The following PLD1 variants were observed in gnomAD, a reference collection of about 807,000 sequenced individuals.
PLD1 encodes phospholipase D1.
A neutral mutation model predicts 137.1 loss-of-function variants in PLD1; 112 were observed. The ratio of observed to expected loss-of-function variants is 0.82; its 90% CI spans 0.70 to 0.96. PLD1 has a LOEUF of 0.96. Ranked by LOEUF, PLD1 falls within the 40% of genes least tolerant of loss-of-function variation. PLD1 has a pLI of 0.00. For synonymous variants in PLD1, 431 were observed against 454.7 expected (o/e 0.95, Z 0.66); for missense variants, 1,321 against 1,342.0 (o/e 0.98, Z 0.24).
intron 1 of PLD1, among the ~76,000 whole-genome samples, chr3:171,775,442 ATG>A (rs962564032): frequency 7.2e-5 from 11 of 152,288 alleles, no homozygotes; most frequent in African/African-American, 2.4e-4. Flanking sequence ...TTTTAATTTT[ATG>A]TGTTTAATTT....
intron 1 of PLD1, among the ~76,000 whole-genome samples, chr3:171,804,644 A>G (rs1429715009): frequency 1.3e-5 from 2 of 152,238 alleles, no homozygotes; most frequent in East Asian, 1.9e-4. Context: ...CCACCCATGG[A>G]AAGTGGCATA....
chr3:171,615,467 T>C (rs193004676), intron 24 of PLD1, among the ~76,000 whole-genome samples: 699 of 152,258 alleles, frequency 4.6e-3, no homozygotes, highest in Non-Finnish European at 8.3e-3. Context: ...CCAAAAACAA[T>C]ATTACCACAT....
rs756297631 is a variant in PLD1, at chr3:171,603,178, C to A, written c.3125G>T (p.Gly1042Val). The change falls in exon 27 of 27, where the codon GGA becomes GTA. Residue 1042 changes from glycine (G) to valine (V), a missense_variant. Physicochemically the swap from Gly to Val is moderately radical, Grantham distance 109. Coordinates refer to ENST00000351298, the MANE Select transcript of PLD1 (RefSeq NM_002662.5). ...RAEEELKKIR[G>V]FLVQFPFYFL... is the part of the protein sequence containing the mutation. Reference sequence around the variant, plus strand: ...ATAAAAGGGGAATTGCACCAAAAATCCACGGATCTTCTTCAGTTCCTCCTC... The same window carrying A: ...ATAAAAGGGGAATTGCACCAAAAATACACGGATCTTCTTCAGTTCCTCCTC... The A allele has an allele frequency of 1.9e-6, 3 of 1,614,108 alleles. No individual in the cohort carries two copies. Among genetic ancestry groups the A allele is most frequent in the South Asian group, 1.1e-5 (1 of 91,084 alleles).
chr3:171,629,886 G>A (rs1274456489), intron 23 of PLD1, among the ~76,000 whole-genome samples: 3 of 151,736 alleles, frequency 2.0e-5, no homozygotes, highest in East Asian at 1.9e-4. Flanking sequence ...AGACTTAAAC[G>A]TTAGACCTAA....
In PLD1 at chr3:171,713,915, T is replaced by C; in HGVS notation, c.889A>G (p.Ile297Val). 3.1e-6 allele frequency: 5 copies of C among 1,613,002 alleles called. No homozygotes were observed. Among genetic ancestry groups the C allele is most frequent in the Non-Finnish European group, 4.2e-6 (5 of 1,179,094 alleles). ...TACCTTGAAAGATTATCAATTCGGA[T>C]TCCATATTTCGTTTCTGTCTCCTTC... ...GKKETETKYG[I>V]RIDNLSRTLI... The change falls in exon 9 of 27, where the codon ATC becomes GTC. Residue 297 changes from isoleucine to valine, a missense_variant. By Grantham distance (29) the Ile-to-Val change is conservative (BLOSUM62 3). Transcript: ENST00000351298.
intron 21 of PLD1, among the ~76,000 whole-genome samples, chr3:171,658,082 G>A (rs1225470979): frequency 6.6e-6 from 1 of 151,978 alleles, no homozygotes; most frequent in Non-Finnish European, 1.5e-5. Context: ...AGTCATTAGA[G>A]AAATTCAAAT....
At chr3:171,696,885 G>A (rs763419138) in intron 12 of PLD1, among the ~76,000 whole-genome samples, 2 of 152,154 alleles carry the variant, frequency 1.3e-5, no homozygotes, top group Non-Finnish European at 2.9e-5. Context: ...CCAAGAAGTG[G>A]ATGAAATGGA....
chr3:171,727,234 CAAGT>C (rs1488521436), intron 6 of PLD1, among the ~76,000 whole-genome samples: 2 of 152,052 alleles, frequency 1.3e-5, no homozygotes, highest in Non-Finnish European at 2.9e-5. Flanking sequence ...TTAGAGAAGT[CAAGT>C]AAGTTGTCCA....
intron 16 of PLD1, among the ~76,000 whole-genome samples, chr3:171,682,301 A>G (rs1435923389): frequency 1.3e-5 from 2 of 152,214 alleles, no homozygotes; most frequent in Non-Finnish European, 2.9e-5. Context: ...TGAAAAACAT[A>G]TATTTCAGAT....
At chr3:171,752,540 A>G (rs1720738238) in intron 1 of PLD1, among the ~76,000 whole-genome samples, 2 of 152,222 alleles carry the variant, frequency 1.3e-5, no homozygotes, top group South Asian at 4.1e-4. Flanking sequence ...TCCATGGCAA[A>G]CATTAATCTG....
At chr3:171,767,441 T>A (rs1331154933) in intron 1 of PLD1, among the ~76,000 whole-genome samples, 1 of 152,232 alleles carries the variant, frequency 6.6e-6, no homozygotes, top group African/African-American at 2.4e-5. Flanking sequence ...ATCTTCTAAA[T>A]GAAGAGCAGC....
intron 1 of PLD1, among the ~76,000 whole-genome samples, chr3:171,746,973 C>G (rs961476914): frequency 2.0e-5 from 3 of 152,184 alleles, no homozygotes; most frequent in African/African-American, 7.2e-5. Context: ...CTGTAACACT[C>G]ATGGCAAAGG....
chr3:171,672,918 G>T (rs1273050006), intron 19 of PLD1, among the ~76,000 whole-genome samples: 1 of 152,184 alleles, frequency 6.6e-6, no homozygotes, highest in Non-Finnish European at 1.5e-5. Context: ...CAGTGAAGTG[G>T]AAAATATATG....
At chr3:171,754,718 C>T (rs1042047081) in intron 1 of PLD1, among the ~76,000 whole-genome samples, 3 of 152,160 alleles carry the variant, frequency 2.0e-5, no homozygotes, top group African/African-American at 7.2e-5. Context: ...ATAACACTTC[C>T]ATTTTTCTCC....
chr3:171,770,888 C>CAAAAAAAAAAA (rs34683994), intron 1 of PLD1, among the ~76,000 whole-genome samples: 5 of 40,874 alleles, frequency 1.2e-4, no homozygotes, highest in African/African-American at 4.0e-4. Flanking sequence ...AACCCTATCT[C>CAAAAAAAAAAA]AAAAAAAAAA....
In PLD1 at chr3:171,601,749, A is replaced by G. The variant is rs1270559252; in HGVS notation, c.*1329T>C. The G allele has an allele frequency of 6.6e-6, 1 of 152,190 alleles. No homozygotes were observed. Among genetic ancestry groups the G allele is most frequent in the Non-Finnish European group, 1.5e-5 (1 of 68,038 alleles). 9.4% of individuals were successfully genotyped at this position (152,190 alleles called of 1,614,324 possible). A position where few individuals can be genotyped will look rare whatever the true frequency, so the allele number is the denominator to read the frequency against. On this transcript the variant is annotated 3_prime_UTR_variant, in exon 27 of 27. Transcript: ENST00000351298. ...ATCCATAGACATGTATAATCATTAC[A>G]CCTGCATTTTGTTTTACAGGTACAG...
chr3:171,671,224 T>A (rs1712710760), intron 19 of PLD1, among the ~76,000 whole-genome samples: 1 of 152,216 alleles, frequency 6.6e-6, no homozygotes, highest in Admixed American at 6.5e-5. Context: ...CACTTTTATA[T>A]ACCCATTTTA....
At chr3:171,642,568 T>C (rs536386416) in intron 23 of PLD1, among the ~76,000 whole-genome samples, 3 of 151,230 alleles carry the variant, frequency 2.0e-5, no homozygotes, top group Admixed American at 6.6e-5. Context: ...CTCATAAAGA[T>C]GATTGTTATT....
chr3:171,698,811 CAAAA>C (rs11359377), intron 12 of PLD1, among the ~76,000 whole-genome samples: 6 of 103,952 alleles, frequency 5.8e-5, no homozygotes, highest in South Asian at 3.4e-4. Context: ...TACAAAAATA[CAAAA>C]AAAAAAAAAA....
Sources: allele counts gnomAD v4.1 joint callset (sites outside exome capture counted in the v4.1 genomes callset), GRCh38; gene constraint gnomAD v4.1.1; transcripts MANE v1.5; gene names NCBI Gene and HGNC (gene_info 2026-07-23, HGNC 2026-07-21).